The following TRMT11 variants were observed in gnomAD, a reference collection of about 807,000 sequenced individuals.
TRMT11 encodes tRNA methyltransferase 11, also known as tRNA (guanine(10)-N(2))-methyltransferase TRMT11.
TRMT11 carries 53 observed loss-of-function variants against 62.8 expected under a neutral mutation model. The observed-to-expected ratio is 0.84, with a 90% confidence interval of 0.68 to 1.06. The LOEUF (loss-of-function observed/expected upper bound fraction) is 1.06. TRMT11 is among the 50% of genes least tolerant of loss of function. The pLI is 0.00. For missense variants in TRMT11, 556 were observed against 553.4 expected (o/e 1.00, Z -0.05); for synonymous variants, 188 against 190.3 (o/e 0.99, Z 0.10).
chr6:126,197,796 C>T (rs1463091340), intron 1 of TRMT11, among the ~76,000 whole-genome samples: 2 of 152,134 alleles, frequency 1.3e-5, no homozygotes, highest in Non-Finnish European at 1.5e-5. Context: ...CATATCCCAC[C>T]ACTTTTGTGC....
At chr6:126,050,887 T>C (rs1392189673) in intron 16 of TRMT11, among the ~76,000 whole-genome samples, 1 of 152,212 alleles carries the variant, frequency 6.6e-6, no homozygotes, top group Non-Finnish European at 1.5e-5. Context: ...TGCTAGGCAC[T>C]ACAGGGTCAA....
At chr6:126,095,631 G>A (rs967409953) in intron 17 of TRMT11, among the ~76,000 whole-genome samples, 3 of 152,128 alleles carry the variant, frequency 2.0e-5, no homozygotes, top group African/African-American at 7.2e-5. Flanking sequence ...TGTGGTCCTC[G>A]TCCTTGTGGG....
Position 125,986,547 on chromosome 6 carries a change from T to G in TRMT11, c.-4T>G. On this transcript the variant is annotated 5_prime_UTR_variant, in exon 1 of 13. Coordinates refer to ENST00000334379, the MANE Select transcript of TRMT11 (RefSeq NM_001031712.3). ...GCCGCGCAGGCGCACGGTGGGCAGC[T>G]GCAATGGCGCTGTCGTGTACCCTTA... 2 of 1,586,640 alleles carry G rather than the reference T, an allele frequency of 1.3e-6. No homozygotes were observed. The highest frequency in any genetic ancestry group is 1.7e-6 in the Non-Finnish European group (2 of 1,169,050).
chr6:126,147,894 CGTG>C (rs1484069820), intron 21 of TRMT11, among the ~76,000 whole-genome samples: 1 of 151,378 alleles, frequency 6.6e-6, no homozygotes, highest in Non-Finnish European at 1.5e-5. Context: ...TGGGGCCTGT[CGTG>C]GGGGTAGGGG....
intron 1 of TRMT11, among the ~76,000 whole-genome samples, chr6:126,196,324 C>T (rs901309638): frequency 2.6e-5 from 4 of 151,992 alleles, no homozygotes; most frequent in African/African-American, 7.3e-5. Context: ...GCTTCTTTTA[C>T]GCTTTACACA....
chr6:126,256,494 G>A, the TRMT11 span, among the ~76,000 whole-genome samples: 1 of 152,170 alleles, frequency 6.6e-6, no homozygotes, highest in Non-Finnish European at 1.5e-5. Flanking sequence ...TGCACATGAA[G>A]CTCCTTATGT....
At chr6:126,140,221 T>G (rs981468764) in intron 21 of TRMT11, among the ~76,000 whole-genome samples, 33 of 152,028 alleles carry the variant, frequency 2.2e-4, no homozygotes, top group African/African-American at 7.0e-4. Flanking sequence ...ATTCCTGGGA[T>G]AAGCCCTATT....
Position 126,140,195 on chromosome 6 carries a change from A to G in TRMT11, c.*1823+24340A>G, listed in dbSNP as rs186493856. Among the ~76,000 whole-genome samples the G allele has an allele frequency of 2.6e-5, 4 of 152,064 alleles. No homozygotes were observed. In the East Asian group the frequency reaches 5.8e-4, roughly 22 times the overall value. The stretch of plus-strand genomic sequence containing the variant: ...ATGGAGAATTGGTAGGTTCTCTAGT[A>G]TTGAACCATCCTTGTATTCCTGGGA... On this transcript the variant is annotated intron_variant and NMD_transcript_variant, in intron 21 of 22. Transcript: ENST00000648977.
the TRMT11 span, among the ~76,000 whole-genome samples, chr6:126,233,587 C>T: frequency 6.6e-6 from 1 of 152,054 alleles, no homozygotes; most frequent in African/African-American, 2.4e-5. Context: ...TGGCTCTGTG[C>T]CTAGCTGAAA....
intron 21 of TRMT11, among the ~76,000 whole-genome samples, chr6:126,169,171 C>T (rs542206567): frequency 2.8e-4 from 43 of 152,324 alleles, no homozygotes; most frequent in Admixed American, 7.2e-4. Flanking sequence ...TAATGTGACA[C>T]GTGCTCCCAG....
At chr6:126,081,932 C>A (rs1441544633) in intron 17 of TRMT11, among the ~76,000 whole-genome samples, 1 of 152,158 alleles carries the variant, frequency 6.6e-6, no homozygotes, top group Non-Finnish European at 1.5e-5. Flanking sequence ...CTAATCTGTG[C>A]TCTCTTCTTC....
chr6:126,008,805 T>C, intron 8 of TRMT11: 1 of 449,632 alleles, frequency 2.2e-6, no homozygotes, highest in Admixed American at 2.5e-5. Flanking sequence ...GTTATATGCA[T>C]ATTTTTGACT....
rs141061845 is a variant in TRMT11, at chr6:126,094,530, G to A, written c.*1438-18336G>A. Among the ~76,000 whole-genome samples, 158 of 152,162 alleles carry A rather than the reference G, an allele frequency of 1.0e-3. 1 individual carries two copies. Among genetic ancestry groups the A allele is most frequent in the African/African-American group, 3.5e-3 (146 of 41,528 alleles). ...AAAGAAAAAACCTTTGGCTTGTTTC[G>A]TCAGACTTTCTGCCCAAACCTTAGG... On this transcript the variant is annotated intron_variant and NMD_transcript_variant, in intron 17 of 22. Coordinates refer to the TRMT11 transcript ENST00000648977.
chr6:126,136,776 A>C (rs951603939), intron 21 of TRMT11, among the ~76,000 whole-genome samples: 10 of 151,804 alleles, frequency 6.6e-5, no homozygotes, highest in African/African-American at 2.2e-4. Flanking sequence ...GTACTGGCAT[A>C]AAAACAGAGA....
At chr6:125,991,161 G>T (rs749600215) in intron 1 of TRMT11, among the ~76,000 whole-genome samples, 6 of 151,254 alleles carry the variant, frequency 4.0e-5, no homozygotes, top group Non-Finnish European at 5.9e-5. Flanking sequence ...CAGGAGAATC[G>T]CATGAACCTG....
At chr6:126,151,720 TTCCC>T (rs745890788) in intron 21 of TRMT11, among the ~76,000 whole-genome samples, 5 of 149,950 alleles carry the variant, frequency 3.3e-5, no homozygotes, top group Non-Finnish European at 7.4e-5. Flanking sequence ...CTTTCCCTCC[TTCCC>T]TCCCTCCCTT....
intron 17 of TRMT11, among the ~76,000 whole-genome samples, chr6:126,072,955 C>T (rs1019083649): frequency 2.0e-5 from 3 of 152,122 alleles, no homozygotes; most frequent in African/African-American, 4.8e-5. Context: ...ACATTCGGTC[C>T]ATAGCAGTGT....
downstream of TRMT11, among the ~76,000 whole-genome samples, chr6:126,041,349 G>A (rs774617110): frequency 1.3e-4 from 20 of 151,910 alleles, no homozygotes; most frequent in Admixed American, 6.6e-4. Flanking sequence ...TTTTATACTC[G>A]TAAATTAAAG....
chr6:126,090,427 C>G (rs372769402), intron 17 of TRMT11, among the ~76,000 whole-genome samples: 2 of 152,164 alleles, frequency 1.3e-5, no homozygotes, highest in Admixed American at 6.5e-5. Flanking sequence ...GATTAGATTT[C>G]TACTACATTT....
Sources: allele counts gnomAD v4.1 joint callset (sites outside exome capture counted in the v4.1 genomes callset), GRCh38; gene constraint gnomAD v4.1.1; transcripts MANE v1.5; gene names NCBI Gene and HGNC (gene_info 2026-07-23, HGNC 2026-07-21).